SCYL3: variants seen among roughly 807,000 people sequenced by gnomAD.
SCYL3 encodes the protein protein-associating with the carboxyl-terminal domain of ezrin.
A neutral mutation model predicts 73.8 loss-of-function variants in SCYL3; 35 were observed. The ratio of observed to expected loss-of-function variants is 0.47; its 90% CI spans 0.36 to 0.63. SCYL3 has a LOEUF of 0.63. SCYL3 is among the 20% of genes least tolerant of loss of function. SCYL3 has a pLI of 0.00. For missense variants in SCYL3, 712 were observed against 798.9 expected (o/e 0.89, Z 1.31); for synonymous variants, 277 against 295.2 (o/e 0.94, Z 0.63).
intron 11 of SCYL3, among the ~76,000 whole-genome samples, chr1:169,857,891 AAC>A (rs1659314711): frequency 6.6e-6 from 1 of 152,216 alleles, no homozygotes; most frequent in Non-Finnish European, 1.5e-5. Context: ...AGATAATTAT[AAC>A]ACAGTGGTAA....
In SCYL3 at chr1:169,852,186, A is replaced by G; in HGVS notation, c.*1527T>C. 2 of 523,648 alleles carry G rather than the reference A, an allele frequency of 3.8e-6. No homozygotes were observed. Among genetic ancestry groups the G allele is most frequent in the East Asian group, 3.5e-5 (1 of 28,418 alleles). The allele number at this position is 523,648 out of a possible 1,614,324, so 32.4% of individuals were successfully genotyped here. ...ACCTTTAAGGGAAGTTACATATTGTACCAGTGATGCTATAAATGCAGTCTT... is the reference window on the plus strand; with the variant it reads ...ACCTTTAAGGGAAGTTACATATTGTGCCAGTGATGCTATAAATGCAGTCTT... On this transcript the variant is annotated 3_prime_UTR_variant, in exon 13 of 13. Coordinates refer to ENST00000367771, the MANE Select transcript of SCYL3 (RefSeq NM_020423.7).
At chr1:169,893,369 G>A (rs2102226021) in intron 1 of SCYL3, among the ~76,000 whole-genome samples, 1 of 152,098 alleles carries the variant, frequency 6.6e-6, no homozygotes, top group African/African-American at 2.4e-5. Context: ...GGGCACTGCC[G>A]CCCCGGGACA....
At chr1:169,883,124 T>G (rs1468086468) in intron 2 of SCYL3, among the ~76,000 whole-genome samples, 1 of 151,286 alleles carries the variant, frequency 6.6e-6, no homozygotes, top group Non-Finnish European at 1.5e-5. Context: ...AGGAAGAAAC[T>G]CCGAACATGA....
At chr1:169,884,343 G>C (rs1211187134) in intron 2 of SCYL3, among the ~76,000 whole-genome samples, 1 of 152,066 alleles carries the variant, frequency 6.6e-6, no homozygotes, top group Non-Finnish European at 1.5e-5. Flanking sequence ...TGTTACCCAG[G>C]CTGGAGTGCA....
intron 2 of SCYL3, among the ~76,000 whole-genome samples, chr1:169,882,125 G>A (rs541085193): frequency 2.0e-3 from 309 of 152,338 alleles, no homozygotes; most frequent in Non-Finnish European, 3.4e-3. Flanking sequence ...AGGTGCGAGC[G>A]GGAACTGGGG....
intron 1 of SCYL3, among the ~76,000 whole-genome samples, chr1:169,891,158 G>A (rs946593192): frequency 1.8e-4 from 28 of 152,204 alleles, no homozygotes; most frequent in Middle Eastern, 3.2e-3. Context: ...AAGCATAGCC[G>A]AAGGTAGAAG....
chr1:169,868,889 T>C (rs1360154696), intron 7 of SCYL3, 39 bp downstream of exon 7: 7 of 1,467,034 alleles, frequency 4.8e-6, no homozygotes, highest in Non-Finnish European at 6.7e-6. Context: ...GCAGCAGTGT[T>C]CCGGAAGCAG....
At chr1:169,876,167 TC>T in intron 3 of SCYL3, 76 bp from the exon 4 acceptor site, 2 of 800,264 alleles carry the variant, frequency 2.5e-6, no homozygotes, top group Non-Finnish European at 3.8e-6. Context: ...AAGATGTTTT[TC>T]TCCATCTCTC....
Position 169,872,740 on chromosome 1 carries a change from G to A in SCYL3, c.522+956C>T, listed in dbSNP as rs1660499802. 2.6e-5 allele frequency among the ~76,000 whole-genome samples: 4 copies of A among 152,232 alleles called. No individual in the cohort carries two copies. In the South Asian group the frequency reaches 8.3e-4, roughly 31 times the overall value. ...TTGCATCAGCGTGACCCGGATGCGA[G>A]ACACGGAATCAAAGGAGATCATTTT... On this transcript the variant is annotated intron_variant, in intron 5 of 12. Transcript: ENST00000367771.
chr1:169,893,330 G>T (rs1418125558), intron 1 of SCYL3, among the ~76,000 whole-genome samples: 2 of 152,152 alleles, frequency 1.3e-5, no homozygotes, highest in Admixed American at 6.5e-5. Flanking sequence ...TCCCGAGGGC[G>T]GGCGCGCCCC....
chr1:169,892,076 C>G (rs1383766882), intron 1 of SCYL3, among the ~76,000 whole-genome samples: 3 of 152,164 alleles, frequency 2.0e-5, no homozygotes, highest in Non-Finnish European at 4.4e-5. Context: ...TCCACTGATA[C>G]CATCAGTGTA....
At chr1:169,885,470 T>C (rs1291715693) in intron 2 of SCYL3, among the ~76,000 whole-genome samples, 1 of 152,204 alleles carries the variant, frequency 6.6e-6, no homozygotes, top group Non-Finnish European at 1.5e-5. Flanking sequence ...GACAAAGCCA[T>C]AATTTCACGC....
At chr1:169,855,364 T>C (rs1659036318) in intron 11 of SCYL3, among the ~76,000 whole-genome samples, 1 of 152,190 alleles carries the variant, frequency 6.6e-6, no homozygotes, top group East Asian at 1.9e-4. Flanking sequence ...CTTATTAACC[T>C]CACTTTAAGA....
intron 2 of SCYL3, among the ~76,000 whole-genome samples, chr1:169,884,781 GA>G (rs1434458610): frequency 6.6e-6 from 1 of 152,196 alleles, no homozygotes; most frequent in African/African-American, 2.4e-5. Flanking sequence ...GTTTAATAAA[GA>G]AGGAGAAGAA....
intron 3 of SCYL3, among the ~76,000 whole-genome samples, chr1:169,877,549 G>A (rs1660938055): frequency 6.6e-6 from 1 of 152,082 alleles, no homozygotes; most frequent in Non-Finnish European, 1.5e-5. Flanking sequence ...TTTAAAGGAA[G>A]GTTTAGAATA....
intron 4 of SCYL3, among the ~76,000 whole-genome samples, chr1:169,875,508 T>C (rs905639953): frequency 3.9e-5 from 6 of 152,156 alleles, no homozygotes; most frequent in East Asian, 1.9e-4. Context: ...ATGTATGAAA[T>C]TGGGCAACTC....
chr1:169,869,394 T>C (rs1255021411), intron 6 of SCYL3, among the ~76,000 whole-genome samples: 1 of 152,264 alleles, frequency 6.6e-6, no homozygotes, highest in African/African-American at 2.4e-5. Context: ...TGAATGATTA[T>C]ATTTACAATT....
intron 10 of SCYL3, 73 bp from the exon 11 acceptor site, chr1:169,859,285 T>C: frequency 7.1e-7 from 1 of 1,413,404 alleles, no homozygotes; most frequent in Non-Finnish European, 9.6e-7. Context: ...AATGAGCAAT[T>C]GGGCTGCAAA....
chr1:169,875,307 G>C (rs965857364), intron 4 of SCYL3, among the ~76,000 whole-genome samples: 2 of 152,148 alleles, frequency 1.3e-5, no homozygotes, highest in African/African-American at 4.8e-5. Context: ...TTTTCCTTAA[G>C]AAAGAGTGAA....
Sources: allele counts gnomAD v4.1 joint callset (sites outside exome capture counted in the v4.1 genomes callset), GRCh38; gene constraint gnomAD v4.1.1; transcripts MANE v1.5; gene names NCBI Gene and HGNC (gene_info 2026-07-23, HGNC 2026-07-21).